Variants in HLA-DMA observed in about 807,000 individuals in gnomAD.
HLA-DMA encodes major histocompatibility complex, class II, DM alpha.
Under a neutral mutation model 27.3 loss-of-function variants are expected in HLA-DMA, and 20 were observed. That is an observed-to-expected ratio of 0.73 (90% CI 0.52 to 1.07). The LOEUF (loss-of-function observed/expected upper bound fraction) is 1.07, where lower values mean the gene tolerates loss of function less well. HLA-DMA is among the 50% of genes least tolerant of loss of function. The pLI is 0.00. For synonymous variants in HLA-DMA, 111 were observed against 126.8 expected (o/e 0.88, Z 0.83); for missense variants, 241 against 321.7 (o/e 0.75, Z 1.92).
chr6:32,949,134 T>C lies in HLA-DMA; in HGVS notation c.781+137A>G. 2 of 1,174,522 alleles carry C rather than the reference T, an allele frequency of 1.7e-6. No homozygotes were observed. Among genetic ancestry groups the C allele is most frequent in the Non-Finnish European group, 2.4e-6 (2 of 824,144 alleles). 72.8% of individuals were successfully genotyped at this position (1,174,522 alleles called of 1,614,324 possible). A position where few individuals can be genotyped will look rare whatever the true frequency, so the allele number is the denominator to read the frequency against. ...CTGGGAAGATGTGCCCCCATGGTGC[T>C]GGATACAGGCCCCCACACCCAAGGG... On this transcript the variant is annotated intron_variant, in intron 4 of 4. Coordinates refer to ENST00000374843, the MANE Select transcript of HLA-DMA (RefSeq NM_006120.4). The surrounding 1 kb of genome is among the most constrained non-coding windows in gnomAD (Gnocchi z 5.8).
Position 32,950,380 on chromosome 6 carries a change from G to A in HLA-DMA, c.373+139C>T. On this transcript the variant is annotated intron_variant, in intron 2 of 4. Coordinates refer to ENST00000374843, the MANE Select transcript of HLA-DMA (RefSeq NM_006120.4). The surrounding 1 kb of genome is among the most constrained non-coding windows in gnomAD (Gnocchi z 5.0). ...AAAAGAACACAGGGTGCAGACCAAG[G>A]CTGGTGGAAAAATTAAGGTGATGAA... is the stretch of plus-strand genomic sequence containing the variant. 1 of 1,077,376 alleles carries A rather than the reference G, an allele frequency of 9.3e-7. No homozygotes were observed. Among genetic ancestry groups the A allele is most frequent in the Non-Finnish European group, 1.4e-6 (1 of 727,286 alleles). 66.7% of individuals were successfully genotyped at this position (1,077,376 alleles called of 1,614,324 possible). A position where few individuals can be genotyped will look rare whatever the true frequency, so the allele number is the denominator to read the frequency against.
rs1388331041 is a variant in HLA-DMA, at chr6:32,950,414, G to C, written c.373+105C>G. ...AAAATTAAGGTGATGAAGAGAACCA[G>C]AAAGTATTTGAGATGGGGAGCTGGT... On this transcript the variant is annotated intron_variant, in intron 2 of 4. Coordinates refer to ENST00000374843, the MANE Select transcript of HLA-DMA (RefSeq NM_006120.4). This position sits in a 1 kb window ranked among gnomAD's most constrained non-coding sequence, Gnocchi z 5.0. 1.8e-5 allele frequency: 24 copies of C among 1,365,026 alleles called. No homozygotes were observed. Among genetic ancestry groups the C allele is most frequent in the Non-Finnish European group, 2.2e-5 (22 of 981,562 alleles). The allele number at this position is 1,365,026 out of a possible 1,614,324, so 84.6% of individuals were successfully genotyped here.
intron 1 of HLA-DMA, among the ~76,000 whole-genome samples, chr6:32,951,621 C>G (rs1053774340): frequency 1.3e-5 from 2 of 151,132 alleles, no homozygotes; most frequent in African/African-American, 4.9e-5. Context: ...ACAGAATGAG[C>G]CCGTCTCAAA....
chr6:32,952,503 G>C, intron 1 of HLA-DMA: 1 of 454,846 alleles, frequency 2.2e-6, no homozygotes, highest in Non-Finnish European at 4.6e-6. Flanking sequence ...TGGAGGAAGA[G>C]GGATCTTCCA....
At chr6:32,952,136 T>G in intron 1 of HLA-DMA, 1 of 355,664 alleles carries the variant, frequency 2.8e-6, no homozygotes, top group East Asian at 7.7e-5. Context: ...TTTGTCTAAT[T>G]CATACCAGGC....
chr6:32,952,444 G>A, intron 1 of HLA-DMA: 1 of 471,656 alleles, frequency 2.1e-6, no homozygotes, highest in Non-Finnish European at 4.4e-6. Context: ...GGCAGGAATC[G>A]CTCAGCCAGC....
chr6:32,948,952 C>G, intron 4 of HLA-DMA, 84 bp from the exon 5 acceptor site: 1 of 1,481,708 alleles, frequency 6.7e-7, no homozygotes, highest in Non-Finnish European at 9.3e-7. Flanking sequence ...CCCACAAAGG[C>G]CTTGCTCGCC....
In HLA-DMA at chr6:32,949,411, G is replaced by C. The variant is rs778610866; in HGVS notation, c.653-12C>G. The C allele has an allele frequency of 6.8e-6, 11 of 1,613,478 alleles. No individual in the cohort carries two copies. Among genetic ancestry groups the C allele is most frequent in the Non-Finnish European group, 8.5e-6 (10 of 1,179,656 alleles). ...TGCGTTCCGGGGTACTGGAGGAAAT[G>C]AGTGGCTCAGCCTGGGGACCTAGTT... On this transcript the variant is annotated splice_polypyrimidine_tract_variant and intron_variant, in intron 3 of 4. Coordinates refer to ENST00000374843, the MANE Select transcript of HLA-DMA (RefSeq NM_006120.4). The surrounding 1 kb of genome is among the most constrained non-coding windows in gnomAD (Gnocchi z 5.8).
At chr6:32,952,388 G>A (rs115420072) in intron 1 of HLA-DMA, 9,839 of 471,516 alleles carry the variant, frequency 0.021, 164 homozygotes, top group African/African-American at 0.052. Context: ...AATGGGAGAA[G>A]TGACCCCATA....
intron 1 of HLA-DMA, chr6:32,952,449 G>A (rs1287654162): frequency 2.1e-6 from 1 of 471,836 alleles, no homozygotes; most frequent in Non-Finnish European, 4.4e-6. Context: ...GAATCGCTCA[G>A]CCAGCAGGAA....
intron 1 of HLA-DMA, among the ~76,000 whole-genome samples, chr6:32,951,288 G>A (rs972583837): frequency 1.3e-5 from 2 of 152,094 alleles, no homozygotes; most frequent in Non-Finnish European, 2.9e-5. Context: ...AGCTTCCCCT[G>A]CCTATAAAAA....
Position 32,950,428 on chromosome 6 carries a change from T to C in HLA-DMA, c.373+91A>G. 1.4e-6 allele frequency: 2 copies of C among 1,409,750 alleles called. No homozygotes were observed. The highest frequency in any genetic ancestry group is 2.0e-6 in the Non-Finnish European group (2 of 1,017,190). The allele number at this position is 1,409,750 out of a possible 1,614,324, so 87.3% of individuals were successfully genotyped here. The stretch of plus-strand genomic sequence containing the variant: ...GAAGAGAACCAGAAAGTATTTGAGA[T>C]GGGGAGCTGGTATCAAGGGGAATTA... On this transcript the variant is annotated intron_variant, in intron 2 of 4. Transcript: ENST00000374843. The surrounding 1 kb of genome is among the most constrained non-coding windows in gnomAD (Gnocchi z 5.0).
intron 1 of HLA-DMA, among the ~76,000 whole-genome samples, chr6:32,951,759 T>C (rs960556525): frequency 3.3e-5 from 5 of 150,820 alleles, no homozygotes; most frequent in South Asian, 2.1e-4. Context: ...TGAAACCCCA[T>C]CTCTACTAAA....
rs747596731 is a variant in HLA-DMA, at chr6:32,950,643, G to A, written c.249C>T (p.Pro83=). 8.1e-6 allele frequency: 13 copies of A among 1,612,932 alleles called. No individual in the cohort carries two copies. Among genetic ancestry groups the A allele is most frequent in the African/African-American group, 4.0e-5 (3 of 74,902 alleles). Reference sequence around the variant, plus strand: ...GTTCCTGAGCCCAGTCAGCAAATTCGGGCAGGCGAGGCACCCGAGTGTTCT... The same window carrying A: ...GTTCCTGAGCCCAGTCAGCAAATTCAGGCAGGCGAGGCACCCGAGTGTTCT... The part of the protein sequence containing the change: ...FSQNTRVPRL[P]EFADWAQEQG... The change falls in exon 2 of 5, where the codon CCC becomes CCT. Residue 83 remains proline, a synonymous_variant. Transcript: ENST00000374843. This position sits in a 1 kb window ranked among gnomAD's most constrained non-coding sequence, Gnocchi z 5.0.
At position 32,949,265 on chromosome 6, in the gene HLA-DMA, A is replaced by C. The variant is rs114253801; in HGVS notation, c.781+6T>G. The C allele has an allele frequency of 0.056, 90,664 of 1,614,022 alleles. 2,858 individuals carry two copies. The highest frequency in any genetic ancestry group is 0.084 in the African/African-American group (6,275 of 74,990). On this transcript the variant is annotated splice_donor_region_variant and intron_variant, in intron 4 of 4. Coordinates refer to ENST00000374843, the MANE Select transcript of HLA-DMA (RefSeq NM_006120.4). This position sits in a 1 kb window ranked among gnomAD's most constrained non-coding sequence, Gnocchi z 5.8. ...CAGGCTCACCCGCCCCCTCCAGATG[A>C]CATACCACCTGAGCAAGGCTTCCGG...
Position 32,948,874 on chromosome 6 carries a change from G to T in HLA-DMA, c.782-6C>A, listed in dbSNP as rs201706107. On this transcript the variant is annotated splice_region_variant and splice_polypyrimidine_tract_variant and intron_variant, in intron 4 of 4. Coordinates refer to ENST00000374843, the MANE Select transcript of HLA-DMA (RefSeq NM_006120.4). ...TCTGGTCTGGAAGAATCAGTCTGGG[G>T]GAGAGACAGGGATGGAGGAAAGGCA... 6.2e-7 allele frequency: 1 copy of T among 1,613,630 alleles called. No individual in the cohort carries two copies. Among genetic ancestry groups the T allele is most frequent in the Non-Finnish European group, 8.5e-7 (1 of 1,179,810 alleles).
chr6:32,948,871 G>A lies in HLA-DMA; in HGVS notation c.782-3C>T, dbSNP rs367902530. ...AACTCTGGTCTGGAAGAATCAGTCTGGGGGAGAGACAGGGATGGAGGAAAG... is the reference window on the plus strand; with the variant it reads ...AACTCTGGTCTGGAAGAATCAGTCTAGGGGAGAGACAGGGATGGAGGAAAG... On this transcript the variant is annotated splice_region_variant and splice_polypyrimidine_tract_variant and intron_variant, in intron 4 of 4. Transcript: ENST00000374843. 12 of 1,613,650 alleles carry A rather than the reference G, an allele frequency of 7.4e-6. No homozygotes were observed. In the East Asian group the frequency reaches 2.5e-4, roughly 33 times the overall value.
Position 32,949,486 on chromosome 6 carries a change from G to A in HLA-DMA, c.653-87C>T. 1 of 1,601,674 alleles carries A rather than the reference G, an allele frequency of 6.2e-7. No homozygotes were observed. Among genetic ancestry groups the A allele is most frequent in the Admixed American group, 1.7e-5 (1 of 59,730 alleles). ...GACGTGGGTGTCTGGGATGACATGG[G>A]AGACTGGGATGGGCTTAGGGTAGGA... On this transcript the variant is annotated intron_variant, in intron 3 of 4. Coordinates refer to ENST00000374843, the MANE Select transcript of HLA-DMA (RefSeq NM_006120.4). This position sits in a 1 kb window ranked among gnomAD's most constrained non-coding sequence, Gnocchi z 5.8.
Position 32,949,344 on chromosome 6 carries a change from G to A in HLA-DMA, c.708C>T (p.Ala236=). 1 of 1,614,188 alleles carries A rather than the reference G, an allele frequency of 6.2e-7. No homozygotes were observed. The highest frequency in any genetic ancestry group is 8.5e-7 in the Non-Finnish European group (1 of 1,180,042). ...DLLENVLCGV[A]FGLGVLGIIV... ...TGATGCCCAGCACACCCAGGCCAAA[G>A]GCCACGCCACACAGCACATTCTCCA... The change falls in exon 4 of 5, where the codon GCC becomes GCT. Residue 236 remains alanine, a synonymous_variant. Coordinates refer to ENST00000374843, the MANE Select transcript of HLA-DMA (RefSeq NM_006120.4). The surrounding 1 kb of genome is among the most constrained non-coding windows in gnomAD (Gnocchi z 5.8).
Sources: gnomAD v4.1 joint callset for allele counts (sites outside exome capture counted in the v4.1 genomes callset) on GRCh38, gnomAD v4.1.1 for gene constraint, Gnocchi (gnomAD v3.1) non-coding constraint, MANE v1.5 for transcripts, NCBI Gene and HGNC (gene_info 2026-07-23, HGNC 2026-07-21) for gene names.